The following ZFHX3 variants were observed in gnomAD, a reference collection of about 807,000 sequenced individuals.
ZFHX3 encodes the protein zinc finger homeobox 3.
In ZFHX3, 42 loss-of-function variants were observed where a neutral mutation model predicts 279.1. The observed-to-expected ratio is 0.15, with a 90% CI of 0.12 to 0.19. The LOEUF (loss-of-function observed/expected upper bound fraction) is 0.19. Ranked by LOEUF, ZFHX3 falls within the 10% of genes least tolerant of loss-of-function variation. ZFHX3 has a pLI of 1.00. For missense variants in ZFHX3, 4,981 were observed against 4,754.0 expected (o/e 1.05, Z -1.40); for synonymous variants, 2,293 against 1,957.8 (o/e 1.17, Z -4.52).
chr16:73,811,897 A>G (rs978055202), intron 1 of ZFHX3, among the ~76,000 whole-genome samples: 5 of 152,182 alleles, frequency 3.3e-5, no homozygotes, highest in African/African-American at 1.2e-4. Flanking sequence ...ATCTCAGAAC[A>G]CAACTCTAGT....
intron 5 of ZFHX3, among the ~76,000 whole-genome samples, chr16:73,146,123 A>C (rs1966861748): frequency 6.6e-6 from 1 of 152,184 alleles, no homozygotes; most frequent in African/African-American, 2.4e-5. Flanking sequence ...GAGGAAAACA[A>C]AGTATAGAGA....
At chr16:73,156,866 G>A (rs1377153527) in intron 5 of ZFHX3, among the ~76,000 whole-genome samples, 8 of 151,938 alleles carry the variant, frequency 5.3e-5, no homozygotes, top group Non-Finnish European at 7.4e-5. Context: ...GGCACGTGCC[G>A]CCACGCCCAG....
chr16:72,834,790 T>C (rs1255243627), intron 4 of ZFHX3, among the ~76,000 whole-genome samples: 1 of 151,016 alleles, frequency 6.6e-6, no homozygotes. Context: ...CCCAAGAAAA[T>C]GTTCTAGCTG....
chr16:72,832,921 C>A (rs2037099809), intron 4 of ZFHX3, among the ~76,000 whole-genome samples: 1 of 152,208 alleles, frequency 6.6e-6, no homozygotes, highest in African/African-American at 2.4e-5. Flanking sequence ...TCATCAACAG[C>A]AAGAGGAAAA....
intron 3 of ZFHX3, among the ~76,000 whole-genome samples, chr16:73,423,958 C>T (rs543690674): frequency 1.3e-5 from 2 of 151,832 alleles, no homozygotes; most frequent in Admixed American, 1.3e-4. Context: ...ATTTCTGTGC[C>T]AATATTACCA....
chr16:73,755,914 C>T (rs2053804323), intron 1 of ZFHX3, among the ~76,000 whole-genome samples: 1 of 152,242 alleles, frequency 6.6e-6, no homozygotes, highest in African/African-American at 2.4e-5. Flanking sequence ...ACTCGCCCCT[C>T]TCCCACGGCC....
chr16:73,765,179 C>T (rs543598887), intron 1 of ZFHX3, among the ~76,000 whole-genome samples: 1 of 152,248 alleles, frequency 6.6e-6, no homozygotes, highest in East Asian at 1.9e-4. Flanking sequence ...AACTCATTCA[C>T]ATTGATTGAT....
chr16:73,645,615 T>C (rs2052611874), intron 2 of ZFHX3, among the ~76,000 whole-genome samples: 1 of 152,224 alleles, frequency 6.6e-6, no homozygotes, highest in Admixed American at 6.5e-5. Context: ...GAGAGGATTA[T>C]ACATATGTCA....
intron 1 of ZFHX3, among the ~76,000 whole-genome samples, chr16:73,869,835 C>G (rs1962117781): frequency 1.3e-5 from 2 of 152,182 alleles, no homozygotes; most frequent in Admixed American, 1.3e-4. Flanking sequence ...AGGTAGCGGT[C>G]TCCTGCTTTA....
intron 1 of ZFHX3, among the ~76,000 whole-genome samples, chr16:73,792,862 C>CA (rs1025244160): frequency 4.8e-5 from 7 of 146,822 alleles, no homozygotes; most frequent in African/African-American, 7.7e-5. Flanking sequence ...GTGCACCCCC[C>CA]CCCTCCCCTC....
At chr16:72,884,202 G>A (rs375211670) in intron 4 of ZFHX3, among the ~76,000 whole-genome samples, 2 of 152,170 alleles carry the variant, frequency 1.3e-5, no homozygotes, top group Non-Finnish European at 2.9e-5. Context: ...TTCATCAAAT[G>A]AGGCCAGTGA....
At chr16:73,687,011 AATATATATATATATATATATATATAT>A (rs58565282) in intron 1 of ZFHX3, among the ~76,000 whole-genome samples, 3,200 of 53,258 alleles carry the variant, frequency 0.06, 229 homozygotes, top group African/African-American at 0.14. Context: ...TTTGCAGCTA[AATATATATATATATATATATATATAT>A]ATATATATAT....
intron 1 of ZFHX3, among the ~76,000 whole-genome samples, chr16:73,743,666 T>C (rs552652738): frequency 5.9e-5 from 9 of 152,248 alleles, no homozygotes; most frequent in Admixed American, 2.6e-4. Flanking sequence ...TACATATATA[T>C]ATACAAGAAA....
intron 3 of ZFHX3, among the ~76,000 whole-genome samples, chr16:73,408,762 A>G (rs1172833211): frequency 3.3e-5 from 5 of 151,936 alleles, no homozygotes; most frequent in Admixed American, 3.3e-4. Flanking sequence ...CCAGGGTCTG[A>G]GCCCTTGCTC....
intron 1 of ZFHX3, among the ~76,000 whole-genome samples, chr16:73,849,836 G>C (rs1409076182): frequency 6.6e-6 from 1 of 152,176 alleles, no homozygotes; most frequent in East Asian, 1.9e-4. Context: ...AGGTTCAAGC[G>C]GTTCTCCTGC....
At chr16:73,510,286 T>G (rs778354250) in intron 2 of ZFHX3, among the ~76,000 whole-genome samples, 1 of 152,150 alleles carries the variant, frequency 6.6e-6, no homozygotes, top group African/African-American at 2.4e-5. Context: ...CACTAGAATT[T>G]TACATTTCTC....
intron 1 of ZFHX3, among the ~76,000 whole-genome samples, chr16:73,716,044 G>A (rs987559461): frequency 3.3e-5 from 5 of 152,024 alleles, no homozygotes; most frequent in Middle Eastern, 3.4e-3. Flanking sequence ...TTTTATTGAC[G>A]TCTTTTGTCT....
At chr16:73,215,112 T>C (rs1371823999) in intron 5 of ZFHX3, among the ~76,000 whole-genome samples, 1 of 152,152 alleles carries the variant, frequency 6.6e-6, no homozygotes, top group Non-Finnish European at 1.5e-5. Flanking sequence ...AAACTAATTA[T>C]ACCAGTCCCA....
intron 3 of ZFHX3, among the ~76,000 whole-genome samples, chr16:73,428,093 G>A (rs115140412): frequency 1.1e-3 from 165 of 152,276 alleles, no homozygotes; most frequent in African/African-American, 3.6e-3. Flanking sequence ...GGGTCCCTTT[G>A]CCAGGAATGA....
Sources: allele counts gnomAD v4.1 joint callset (sites outside exome capture counted in the v4.1 genomes callset), GRCh38; gene constraint gnomAD v4.1.1; transcripts MANE v1.5; gene names NCBI Gene and HGNC (gene_info 2026-07-23, HGNC 2026-07-21).